Variants in ZNF66 observed in about 807,000 individuals in gnomAD.
The protein encoded by ZNF66 is zinc finger protein 66.
Under a neutral mutation model 35.2 loss-of-function variants are expected in ZNF66, and 32 were observed. The ratio of observed to expected loss-of-function variants is 0.91; its 90% confidence interval spans 0.69 to 1.22. ZNF66 has a LOEUF of 1.22. ZNF66 is among the 50% of genes most tolerant of loss of function. The pLI is 0.00. For synonymous variants in ZNF66, 231 were observed against 181.3 expected (o/e 1.27, Z -2.20); for missense variants, 666 against 543.1 (o/e 1.23, Z -2.25).
chr19:20,780,924 G>A (rs59379260), intron 1 of ZNF66, among the ~76,000 whole-genome samples: 87 of 151,952 alleles, frequency 5.7e-4, no homozygotes, highest in African/African-American at 6.8e-4. Flanking sequence ...ACATTGACAC[G>A]TCCACACTCC....
intron 3 of ZNF66, among the ~76,000 whole-genome samples, chr19:20,797,445 A>G (rs1343193734): frequency 6.7e-6 from 1 of 149,052 alleles, no homozygotes; most frequent in Non-Finnish European, 1.5e-5. Flanking sequence ...TGACCTCGTG[A>G]TCCGCCCGCC....
At chr19:20,783,718 C>G (rs1246953479) in intron 1 of ZNF66, among the ~76,000 whole-genome samples, 2 of 152,194 alleles carry the variant, frequency 1.3e-5, no homozygotes, top group African/African-American at 4.8e-5. Context: ...AGTACTAATA[C>G]TGCAAATGCA....
intron 3 of ZNF66, among the ~76,000 whole-genome samples, chr19:20,798,000 A>C (rs892308946): frequency 2.6e-5 from 4 of 152,134 alleles, no homozygotes; most frequent in African/African-American, 9.7e-5. Context: ...TGTCTGTCAC[A>C]ATCAGGTTAC....
intron 3 of ZNF66, among the ~76,000 whole-genome samples, chr19:20,805,126 T>TGTGTGTGTGTGA (rs752355466): frequency 2.7e-5 from 4 of 145,984 alleles, no homozygotes; most frequent in African/African-American, 1.0e-4. Context: ...TGTGTGTGTG[T>TGTGTGTGTGTGA]GAGAGAGAGA....
At chr19:20,778,218 G>T (rs1384214635) in intron 1 of ZNF66, among the ~76,000 whole-genome samples, 2 of 152,064 alleles carry the variant, frequency 1.3e-5, no homozygotes, top group Non-Finnish European at 2.9e-5. Context: ...TCCTGCCTCA[G>T]CCTCCCAAGT....
At chr19:20,805,667 G>GT (rs1457189517) in intron 3 of ZNF66, among the ~76,000 whole-genome samples, 160 bp from the exon 4 acceptor site, 5 of 151,444 alleles carry the variant, frequency 3.3e-5, no homozygotes, top group South Asian at 4.2e-4. Context: ...TGGGCAGTAT[G>GT]TTTTTTTTAC....
chr19:20,798,638 T>C (rs1362744031), intron 3 of ZNF66, among the ~76,000 whole-genome samples: 2 of 152,196 alleles, frequency 1.3e-5, no homozygotes, highest in Admixed American at 6.5e-5. Context: ...ACTTTACATC[T>C]TGTAAAACTA....
intron 3 of ZNF66, among the ~76,000 whole-genome samples, chr19:20,805,544 G>A (rs1459802805): frequency 2.0e-5 from 3 of 151,524 alleles, no homozygotes; most frequent in Non-Finnish European, 4.4e-5. Context: ...GAAGAGCTCT[G>A]TTGGGTATAA....
Position 20,808,858 on chromosome 19 carries a change from T to G in ZNF66, c.*1536T>G, listed in dbSNP as rs532823405. Among the ~76,000 whole-genome samples the G allele has an allele frequency of 6.6e-6, 1 of 152,176 alleles. No homozygotes were observed. Among genetic ancestry groups the G allele is most frequent in the South Asian group, 2.1e-4 (1 of 4,818 alleles). On this transcript the variant is annotated 3_prime_UTR_variant, in exon 4 of 4. Coordinates refer to ENST00000344519, the MANE Select transcript of ZNF66 (RefSeq NM_001355197.2). The stretch of plus-strand genomic sequence containing the variant: ...AAAGCTGGATGGAGAATGACTTTGA[T>G]GAGTTGAGAGAAGAAGGCTTCAGAC...
rs78074184 is a variant in ZNF66, at chr19:20,788,414, T to C, written c.4-4098T>C. ...ATATTTATGAACAGAAGGATTATTA[T>C]AATTTTTATTTTGAGACGGAGTCTG... is the stretch of plus-strand genomic sequence containing the variant. On this transcript the variant is annotated intron_variant, in intron 1 of 3. Transcript: ENST00000344519. 4.9e-3 allele frequency among the ~76,000 whole-genome samples: 751 copies of C among 152,272 alleles called. 9 individuals are homozygous for C. The highest frequency in any genetic ancestry group is 0.017 in the African/African-American group (716 of 41,570).
intron 2 of ZNF66, among the ~76,000 whole-genome samples, chr19:20,793,463 C>T (rs1376003597): frequency 6.6e-6 from 1 of 150,774 alleles, no homozygotes; most frequent in African/African-American, 2.4e-5. Flanking sequence ...TGTGGGACTA[C>T]AGGCACACAT....
chr19:20,785,455 GT>G (rs1377730287), intron 1 of ZNF66, among the ~76,000 whole-genome samples: 1 of 152,198 alleles, frequency 6.6e-6, no homozygotes, highest in African/African-American at 2.4e-5. Flanking sequence ...GATGTGGAAA[GT>G]TTATTTGTCA....
At chr19:20,805,026 C>A (rs1971486227) in intron 3 of ZNF66, among the ~76,000 whole-genome samples, 1 of 151,838 alleles carries the variant, frequency 6.6e-6, no homozygotes, top group African/African-American at 2.4e-5. Flanking sequence ...TCTAGAAAAG[C>A]CCCTAAAAGC....
chr19:20,803,295 C>T (rs1971467732), intron 3 of ZNF66, among the ~76,000 whole-genome samples: 1 of 146,164 alleles, frequency 6.8e-6, no homozygotes, highest in Admixed American at 7.0e-5. Flanking sequence ...CTTTGTCTCT[C>T]ATTTTCTCTT....
At chr19:20,789,805 T>C (rs574230555) in intron 1 of ZNF66, among the ~76,000 whole-genome samples, 1 of 152,260 alleles carries the variant, frequency 6.6e-6, no homozygotes, top group Non-Finnish European at 1.5e-5. Flanking sequence ...TAATGTGTTA[T>C]GCCCAGCACA....
chr19:20,809,661 A>C lies in ZNF66; in HGVS notation c.*2339A>C, dbSNP rs1046306491. On this transcript the variant is annotated 3_prime_UTR_variant, in exon 4 of 4. Transcript: ENST00000344519. ...ATTTTGTCACCACCAGGCCTGCCCT[A>C]AAAGAGCTCCTGAAGGAAGCACTAA... is the stretch of plus-strand genomic sequence containing the variant. Among the ~76,000 whole-genome samples the C allele has an allele frequency of 1.3e-5, 2 of 152,118 alleles. No individual in the cohort carries two copies. The highest frequency in any genetic ancestry group is 2.9e-5 in the Non-Finnish European group (2 of 68,026).
At chr19:20,795,049 T>G (rs982969539) in intron 3 of ZNF66, among the ~76,000 whole-genome samples, 37 of 151,882 alleles carry the variant, frequency 2.4e-4, no homozygotes, top group Admixed American at 1.4e-3. Context: ...TTTTTTGTAT[T>G]TTTTTGGTAG....
Position 20,781,513 on chromosome 19 carries a change from C to G in ZNF66, c.3+5063C>G, listed in dbSNP as rs949538384. Among the ~76,000 whole-genome samples, 5 of 145,678 alleles carry G rather than the reference C, an allele frequency of 3.4e-5. No homozygotes were observed. The Admixed American group carries it at 3.4e-4, about 10-fold the overall frequency. On this transcript the variant is annotated intron_variant, in intron 1 of 3. Coordinates refer to ENST00000344519, the MANE Select transcript of ZNF66 (RefSeq NM_001355197.2). ...GTTTTCTGTTTCTGCATTATTTTAT[C>G]TTTTTTTTTTTTGGAGACGGAGTTT...
At chr19:20,793,719 A>G (rs1313138111) in intron 2 of ZNF66, 64 bp from the exon 3 acceptor site, 2 of 585,886 alleles carry the variant, frequency 3.4e-6, no homozygotes, top group Non-Finnish European at 5.8e-6. Flanking sequence ...TTTCCTGAGC[A>G]CATTACTAGC....
Sources: allele counts gnomAD v4.1 joint callset (sites outside exome capture counted in the v4.1 genomes callset), GRCh38; gene constraint gnomAD v4.1.1; transcripts MANE v1.5; gene names NCBI Gene and HGNC (gene_info 2026-07-23, HGNC 2026-07-21).